The following ZNF208 variants were observed in gnomAD, a reference collection of about 807,000 sequenced individuals.
ZNF208 encodes zinc finger protein 95.
ZNF208 carries 10 observed loss-of-function variants against 12.1 expected under a neutral mutation model. The ratio of observed to expected loss-of-function variants is 0.83; its 90% CI spans 0.51 to 1.40. The LOEUF is 1.40. ZNF208 is among the 40% of genes most tolerant of loss of function. The pLI is 0.00. For synonymous variants in ZNF208, 497 were observed against 488.4 expected (o/e 1.02, Z -0.23); for missense variants, 1,652 against 1,485.0 (o/e 1.11, Z -1.85).
At chr19:21,940,089 G>A (rs1339259663) in intron 4 of ZNF208, 2 of 152,160 alleles carry the variant, frequency 1.3e-5, no homozygotes, top group African/African-American at 4.8e-5. Flanking sequence ...GGCAGATCAC[G>A]AGGTGGGGAG....
intron 4 of ZNF208, among the ~76,000 whole-genome samples, chr19:21,955,524 TTTC>T (rs1421068247): frequency 2.0e-5 from 3 of 152,220 alleles, no homozygotes; most frequent in Non-Finnish European, 2.9e-5. Context: ...GCTTTGTTCA[TTTC>T]TTTTTACTCT....
chr19:21,977,700 C>T (rs530213536), intron 3 of ZNF208, among the ~76,000 whole-genome samples: 8 of 152,136 alleles, frequency 5.3e-5, no homozygotes, highest in Non-Finnish European at 1.2e-4. Flanking sequence ...TTCCCCCATA[C>T]CCCAGTAGTG....
Position 22,010,778 on chromosome 19 carries a change from C to T in ZNF208, c.3+14G>A, listed in dbSNP as rs371375934. The T allele has an allele frequency of 1.4e-3, 2,262 of 1,614,164 alleles. 22 individuals are homozygous for T. The African/African-American group carries it at 0.026, about 18-fold the overall frequency. ...CGGGCCACTCTCTCAGTGTGTCGGA[C>T]CCGGCACACTCACCATTTCTAGGCT... is the stretch of plus-strand genomic sequence containing the variant. On this transcript the variant is annotated intron_variant, in intron 1 of 3. Coordinates refer to ENST00000397126, the MANE Select transcript of ZNF208 (RefSeq NM_007153.3).
rs1970263157 is a variant in ZNF208 at position 21,970,731 on chromosome 19, G to T, written c.*460C>A. The T allele has an allele frequency of 2.4e-6, 3 of 1,259,572 alleles. No homozygotes were observed. The highest frequency in any genetic ancestry group is 3.5e-6 in the Non-Finnish European group (3 of 866,608). 78.0% of individuals were successfully genotyped at this position (1,259,572 alleles called of 1,614,324 possible). A position where few individuals can be genotyped will look rare whatever the true frequency, so the allele number is the denominator to read the frequency against. On this transcript the variant is annotated 3_prime_UTR_variant, in exon 4 of 4. Transcript: ENST00000397126. ...CATGAATTTTCTTATGTGTAGGAGG[G>T]TTGGGAACTGTTTAAAAGCTTTGCC...
intron 1 of ZNF208, among the ~76,000 whole-genome samples, chr19:22,009,171 T>A (rs560808856): frequency 1.4e-4 from 22 of 152,298 alleles, no homozygotes; most frequent in Admixed American, 2.6e-4. Flanking sequence ...TGTCAAAAAA[T>A]GATTACAATA....
chr19:21,957,640 G>A lies in ZNF208; in HGVS notation c.305+17089C>T, dbSNP rs1467632291. 4.6e-5 allele frequency among the ~76,000 whole-genome samples: 7 copies of A among 152,094 alleles called. No homozygotes were observed. The East Asian group carries it at 1.4e-3, about 29-fold the overall frequency. On this transcript the variant is annotated intron_variant, in intron 4 of 4. Coordinates refer to the ZNF208 transcript ENST00000599916. ...ATTTAAGGGTACAAATCCATGGCTTGGCCCAACTTTATAAAGTCTTATCTA... is the reference window on the plus strand; with the variant it reads ...ATTTAAGGGTACAAATCCATGGCTTAGCCCAACTTTATAAAGTCTTATCTA...
chr19:21,971,590 T>G lies in ZNF208; in HGVS notation c.3444A>C (p.Lys1148Asn). ...EKPYKCEECG[K>N]AYKWSSTLSY... The stretch of plus-strand genomic sequence containing the variant: ...TAAGGGTTGAGGACCACTTATAGGC[T>G]TTGCCACATTCTTCACATTTGTAGG... Residue 1148 changes from lysine to asparagine, a missense_variant, in exon 4 of 4, where the codon AAA becomes AAC. By Grantham distance (94) the Lys-to-Asn change is moderately conservative (BLOSUM62 0). Transcript: ENST00000397126. 1 of 1,611,818 alleles carries G rather than the reference T, an allele frequency of 6.2e-7. No homozygotes were observed. Among genetic ancestry groups the G allele is most frequent in the Non-Finnish European group, 8.5e-7 (1 of 1,179,882 alleles).
chr19:22,000,523 T>C (rs1451659498), intron 1 of ZNF208, among the ~76,000 whole-genome samples: 4 of 152,000 alleles, frequency 2.6e-5, no homozygotes, highest in African/African-American at 9.7e-5. Context: ...AGAACAAAAA[T>C]ACAACACACC....
intron 2 of ZNF208, among the ~76,000 whole-genome samples, chr19:21,988,308 G>T (rs1252093358): frequency 1.3e-5 from 2 of 152,106 alleles, no homozygotes; most frequent in Non-Finnish European, 2.9e-5. Flanking sequence ...AATGGTGTTG[G>T]GAGCTGAAAG....
rs540941234 is a variant in ZNF208, at chr19:21,968,986, C to T, written c.*2205G>A. On this transcript the variant is annotated 3_prime_UTR_variant, in exon 4 of 4. Transcript: ENST00000397126. ...TATCATGAGGTCAGGAGATAGAGAC[C>T]GTCCTGGCTAATATGGTGAAACCCC... is the stretch of plus-strand genomic sequence containing the variant. Among the ~76,000 whole-genome samples, 225 of 152,154 alleles carry T rather than the reference C, an allele frequency of 1.5e-3. 1 individual carries two copies. Among genetic ancestry groups the T allele is most frequent in the Non-Finnish European group, 2.4e-3 (164 of 68,006 alleles).
In ZNF208 at chr19:21,970,659, G is replaced by T; in HGVS notation, c.*532C>A. ...TATGTTCCATAAGGTTTGAGGACTG[G>T]TTGAAGCCTTTGCCACATTCTTCTC... On this transcript the variant is annotated 3_prime_UTR_variant, in exon 4 of 4. Coordinates refer to ENST00000397126, the MANE Select transcript of ZNF208 (RefSeq NM_007153.3). 9.6e-7 allele frequency: 1 copy of T among 1,043,740 alleles called. No individual in the cohort carries two copies. The highest frequency in any genetic ancestry group is 1.5e-6 in the Non-Finnish European group (1 of 679,668). 64.7% of individuals were successfully genotyped at this position (1,043,740 alleles called of 1,614,324 possible).
intron 1 of ZNF208, among the ~76,000 whole-genome samples, chr19:21,991,252 T>C (rs1279319027): frequency 1.3e-5 from 2 of 152,202 alleles, no homozygotes; most frequent in Non-Finnish European, 2.9e-5. Flanking sequence ...TTGTCATAGA[T>C]AGCTCTTATT....
At position 21,971,724 on chromosome 19, in the gene ZNF208, T is replaced by C. The variant is rs776889269; in HGVS notation, c.3310A>G (p.Lys1104Glu). 32 of 1,613,950 alleles carry C rather than the reference T, an allele frequency of 2.0e-5. No homozygotes were observed. In the South Asian group the frequency reaches 3.4e-4, roughly 17 times the overall value. The change falls in exon 4 of 4, where the codon AAG becomes GAG. Residue 1104 changes from lysine to glutamate, a missense_variant. Around this residue, in one of 3 missense-constraint regions of ZNF208, gnomAD observed 1,239 missense variants for 1,086.2 expected, o/e 1.14. Transcript: ENST00000397126. ...GGTTTCTCTCCAGTATGAATTCTCT[T>C]ATGTTCCATAAGGTTTGAGGACCAG... ...FNWSSNLMEH[K>E]RIHTGEKPYK...
chr19:21,995,586 T>G (rs1970820281), intron 1 of ZNF208, among the ~76,000 whole-genome samples: 1 of 152,166 alleles, frequency 6.6e-6, no homozygotes, highest in Non-Finnish European at 1.5e-5. Flanking sequence ...CAGAGAAGAC[T>G]CAGGATGATT....
In ZNF208 at chr19:21,987,296, T is replaced by C; in HGVS notation, c.146A>G (p.Lys49Arg). The change falls in exon 3 of 4, where the codon AAG (lysine) becomes AGG (arginine). Residue 49 changes from lysine to arginine, a missense_variant. Lys to Arg is a conservative substitution (Grantham distance 26). This residue lies in a region of ZNF208 where 410 missense variants were observed against 378.2 expected (regional missense o/e 1.08). Coordinates refer to ENST00000397126, the MANE Select transcript of ZNF208 (RefSeq NM_007153.3). Reference sequence around the variant, plus strand: ...CTCCAGAAAAATGATCAGGTCTGGCTTAAAGGCAGCAATACCTGTTTTATT... The same window carrying C: ...CTCCAGAAAAATGATCAGGTCTGGCCTAAAGGCAGCAATACCTGTTTTATT... Reference protein sequence around the residue: ...NLVFLGIAAFKPDLIIFLEEG... With the variant: ...NLVFLGIAAFRPDLIIFLEEG... 3 of 1,609,066 alleles carry C rather than the reference T, an allele frequency of 1.9e-6. No individual in the cohort carries two copies. The highest frequency in any genetic ancestry group is 2.5e-6 in the Non-Finnish European group (3 of 1,178,280).
rs115714685 is a variant in ZNF208 at position 21,960,575 on chromosome 19, G to T, written c.305+14154C>A. Among the ~76,000 whole-genome samples the T allele has an allele frequency of 5.6e-3, 853 of 152,274 alleles. 1 individual carries two copies. Among genetic ancestry groups the T allele is most frequent in the African/African-American group, 0.019 (797 of 41,562 alleles). On this transcript the variant is annotated intron_variant, in intron 4 of 4. Transcript: ENST00000599916. ...AGCACTCTGTGTCTTAGCAAGCCTT[G>T]CAGGGACTCTGATGTGTGCTGAAGT...
At chr19:21,987,390 G>A in intron 2 of ZNF208, 79 bp from the exon 3 acceptor site, 1 of 1,331,470 alleles carries the variant, frequency 7.5e-7, no homozygotes. Context: ...CAGTAAAGAG[G>A]ATGTAATAGA....
intron 4 of ZNF208, chr19:21,941,539 TTTG>T: frequency 3.0e-6 from 1 of 337,794 alleles, no homozygotes; most frequent in Non-Finnish European, 5.0e-6. Flanking sequence ...TAAAAAGTTA[TTTG>T]TTTTTTTTTA....
chr19:21,948,533 C>T (rs186024899), intron 4 of ZNF208, among the ~76,000 whole-genome samples: 1 of 152,316 alleles, frequency 6.6e-6, no homozygotes, highest in East Asian at 1.9e-4. Flanking sequence ...GGTTGTGCCA[C>T]TGAAGAAACC....
Sources: gnomAD v4.1 joint callset for allele counts (sites outside exome capture counted in the v4.1 genomes callset) on GRCh38, gnomAD v4.1.1 for gene constraint, gnomAD v4.1.1 regional missense constraint, MANE v1.5 for transcripts, NCBI Gene and HGNC (gene_info 2026-07-23, HGNC 2026-07-21) for gene names.